GPR89B: variants seen among roughly 807,000 people sequenced by gnomAD.
The protein encoded by GPR89B is golgi pH regulator B, also known as G protein-coupled receptor 89B.
GPR89B carries 25 observed loss-of-function variants against 52.4 expected under a neutral mutation model. The observed-to-expected ratio is 0.48, with a 90% CI of 0.35 to 0.67. GPR89B has a LOEUF of 0.67. GPR89B is among the 30% of genes least tolerant of loss of function. The probability of loss-of-function intolerance (pLI) is 0.01; values close to 1 mark genes in which losing one functional copy is unlikely to be tolerated. For synonymous variants in GPR89B, 52 were observed against 151.2 expected, an observed-to-expected ratio of 0.34 and a Z score of 4.81; for missense variants, 146 against 450.2, an observed-to-expected ratio of 0.32 and a Z score of 6.11.
intron 10 of GPR89B, among the ~76,000 whole-genome samples, chr1:147,973,580 A>C (rs1657625151): frequency 6.6e-6 from 1 of 151,758 alleles, no homozygotes; most frequent in African/African-American, 2.4e-5. Flanking sequence ...CCTTTGTCAG[A>C]TGGATAGATT....
At chr1:147,938,204 G>A (rs1654260240) in intron 2 of GPR89B, among the ~76,000 whole-genome samples, 1 of 152,106 alleles carries the variant, frequency 6.6e-6, no homozygotes, top group Admixed American at 6.5e-5. Flanking sequence ...TTAGTAATAA[G>A]ATCAGTTGTT....
At chr1:147,973,548 C>T (rs1657622998) in intron 10 of GPR89B, among the ~76,000 whole-genome samples, 1 of 151,680 alleles carries the variant, frequency 6.6e-6, no homozygotes, top group Non-Finnish European at 1.5e-5. Context: ...GTTTAAGTTC[C>T]TTGTAGATTC....
At chr1:148,009,431 A>G in the GPR89B span, 2 of 1,609,298 alleles carry the variant, frequency 1.2e-6, no homozygotes, top group South Asian at 1.1e-5. Context: ...GCACACCTCC[A>G]TTCATCACAG....
At chr1:148,000,386 T>TAA in the GPR89B span, among the ~76,000 whole-genome samples, 1 of 150,370 alleles carries the variant, frequency 6.7e-6, no homozygotes, top group Non-Finnish European at 1.5e-5. Context: ...TTCAAGTAGC[T>TAA]AAAAAAAAAG....
At chr1:148,013,287 T>G in the GPR89B span, among the ~76,000 whole-genome samples, 4 of 152,080 alleles carry the variant, frequency 2.6e-5, no homozygotes, top group African/African-American at 9.7e-5. Flanking sequence ...ACGGCGGAGA[T>G]AGGGCGTTCC....
At chr1:148,006,019 A>G in the GPR89B span, among the ~76,000 whole-genome samples, 1 of 152,126 alleles carries the variant, frequency 6.6e-6, no homozygotes, top group Non-Finnish European at 1.5e-5. Context: ...TTTTCTCCCA[A>G]TAATGTGAAA....
chr1:147,962,978 T>A, intron 7 of GPR89B, among the ~76,000 whole-genome samples: 1 of 144,166 alleles, frequency 6.9e-6, no homozygotes, highest in Non-Finnish European at 1.5e-5. Context: ...ATCTTTGGAA[T>A]CAAGGGCTAC....
chr1:147,996,933 G>A (rs1225956865), downstream of GPR89B, among the ~76,000 whole-genome samples: 6 of 150,044 alleles, frequency 4.0e-5, no homozygotes, highest in African/African-American at 7.4e-5. Context: ...ACTGTGCTTC[G>A]TTATGGAGTA....
chr1:147,998,780 C>G, the GPR89B span, among the ~76,000 whole-genome samples: 3 of 150,458 alleles, frequency 2.0e-5, no homozygotes, highest in Admixed American at 6.7e-5. Flanking sequence ...ACTCGAGAGA[C>G]TGAGGCAGGA....
chr1:147,938,161 C>G (rs1235641641), intron 2 of GPR89B, among the ~76,000 whole-genome samples: 1 of 152,102 alleles, frequency 6.6e-6, no homozygotes, highest in Non-Finnish European at 1.5e-5. Context: ...GATCACCACC[C>G]TAGACTCGAC....
At chr1:148,015,293 ATCTC>A in the GPR89B span, among the ~76,000 whole-genome samples, 7,362 of 69,768 alleles carry the variant, frequency 0.11, 506 homozygotes, top group African/African-American at 0.15. Flanking sequence ...GGATTCTAGG[ATCTC>A]TCTCTCTCTC....
At chr1:147,975,358 A>C (rs1402101177) in intron 10 of GPR89B, among the ~76,000 whole-genome samples, 1 of 143,636 alleles carries the variant, frequency 7.0e-6, no homozygotes, top group East Asian at 2.0e-4. Context: ...TTATGGGTCT[A>C]TTCAGGGATT....
chr1:147,950,177 T>C (rs1358750087), intron 5 of GPR89B, among the ~76,000 whole-genome samples: 3 of 142,170 alleles, frequency 2.1e-5, no homozygotes, highest in East Asian at 4.6e-4. Context: ...ACTTCTCATA[T>C]GGGGCGGTTG....
At chr1:148,023,011 A>T in the GPR89B span, among the ~76,000 whole-genome samples, 1 of 151,968 alleles carries the variant, frequency 6.6e-6, no homozygotes. Context: ...GTACAAGTGT[A>T]GCATTGTTAC....
At chr1:148,004,148 T>C in the GPR89B span, among the ~76,000 whole-genome samples, 1 of 144,742 alleles carries the variant, frequency 6.9e-6, no homozygotes, top group Non-Finnish European at 1.5e-5. Flanking sequence ...CTAACTGATA[T>C]GTATTTATCG....
At position 147,984,301 on chromosome 1, in the gene GPR89B, C is replaced by A. The variant is rs1165316165; in HGVS notation, c.910-1898C>A. On this transcript the variant is annotated intron_variant, in intron 10 of 13. Coordinates refer to ENST00000314163, the MANE Select transcript of GPR89B (RefSeq NM_016334.5). ...ATGTAACTAACCTGCACAGTGTGCA[C>A]ATGTACCCTAAAACTTAAAGTATAA... 4.1e-3 allele frequency among the ~76,000 whole-genome samples: 618 copies of A among 151,254 alleles called. 32 individuals carry two copies. The East Asian group carries it at 0.1, about 25-fold the overall frequency.
At chr1:147,981,349 A>ACACACAC (rs1571309753) in intron 10 of GPR89B, among the ~76,000 whole-genome samples, 1 of 150,614 alleles carries the variant, frequency 6.6e-6, no homozygotes, top group Non-Finnish European at 1.5e-5. Context: ...ACACACACAC[A>ACACACAC]AAATTAATAG....
At chr1:148,016,180 A>G in the GPR89B span, among the ~76,000 whole-genome samples, 2 of 92,868 alleles carry the variant, frequency 2.2e-5, no homozygotes, top group African/African-American at 4.5e-5. Context: ...TTCATCTGGT[A>G]TTGGATTCCT....
intron 10 of GPR89B, among the ~76,000 whole-genome samples, chr1:147,970,303 CT>C (rs1325193040): frequency 5.3e-5 from 8 of 152,010 alleles, no homozygotes; most frequent in African/African-American, 1.9e-4. Flanking sequence ...CGAGAACAGC[CT>C]GGCCAACATG....
Sources: gnomAD v4.1 joint callset for allele counts (sites outside exome capture counted in the v4.1 genomes callset) on GRCh38, gnomAD v4.1.1 for gene constraint, MANE v1.5 for transcripts, NCBI Gene and HGNC (gene_info 2026-07-23, HGNC 2026-07-21) for gene names.